The following BICD1 variants were observed in gnomAD, a reference collection of about 807,000 sequenced individuals.
BICD1 encodes BICD cargo adaptor 1.
BICD1 carries 35 observed loss-of-function variants against 92.5 expected under a neutral mutation model. That is an observed-to-expected ratio of 0.38 (90% CI 0.29 to 0.50). The LOEUF is 0.50. BICD1 is among the 20% of genes least tolerant of loss of function. The pLI, the probability that BICD1 is intolerant of heterozygous loss-of-function variation, is 0.93. For missense variants in BICD1, 950 were observed against 1,189.8 expected (o/e 0.80, Z 2.97); for synonymous variants, 429 against 465.1 (o/e 0.92, Z 1.00).
chr12:32,312,072 C>T (rs1948396405), intron 4 of BICD1, among the ~76,000 whole-genome samples: 1 of 152,190 alleles, frequency 6.6e-6, no homozygotes. Flanking sequence ...TCTTAGTCCT[C>T]ACCTCTGCCT....
chr12:32,289,214 C>G (rs1485779919), intron 2 of BICD1, among the ~76,000 whole-genome samples: 3 of 152,198 alleles, frequency 2.0e-5, no homozygotes, highest in Non-Finnish European at 4.4e-5. Flanking sequence ...GCAAAGGGAC[C>G]TCCACTTCCC....
At chr12:32,225,631 T>TTTGTTTTTTTG (rs1945663487) in intron 2 of BICD1, among the ~76,000 whole-genome samples, 4 of 139,388 alleles carry the variant, frequency 2.9e-5, no homozygotes, top group Admixed American at 2.3e-4. Flanking sequence ...GTTTTTTTTT[T>TTTGTTTTTTTG]TTTTTTTTTT....
chr12:32,119,042 TC>T (rs1942050088), intron 1 of BICD1, among the ~76,000 whole-genome samples: 1 of 152,066 alleles, frequency 6.6e-6, no homozygotes, highest in Non-Finnish European at 1.5e-5. Context: ...CAGGCAGTCT[TC>T]CCCAGGAGGT....
intron 3 of BICD1, among the ~76,000 whole-genome samples, chr12:32,297,984 C>A (rs1462806110): frequency 2.0e-5 from 3 of 151,478 alleles, no homozygotes; most frequent in African/African-American, 7.3e-5. Flanking sequence ...AAGTTTGAGA[C>A]CAGCCTGGGC....
At chr12:32,234,217 T>C (rs1463247217) in intron 2 of BICD1, among the ~76,000 whole-genome samples, 1 of 152,220 alleles carries the variant, frequency 6.6e-6, no homozygotes, top group African/African-American at 2.4e-5. Flanking sequence ...CCAGCTTCCA[T>C]ATCACCACTT....
intron 1 of BICD1, among the ~76,000 whole-genome samples, chr12:32,168,265 A>G (rs1943830568): frequency 6.6e-6 from 1 of 152,108 alleles, no homozygotes; most frequent in Admixed American, 6.5e-5. Flanking sequence ...AATTAGTTCT[A>G]TATTTGTTCA....
intron 2 of BICD1, among the ~76,000 whole-genome samples, chr12:32,216,698 C>T (rs945991791): frequency 2.6e-5 from 4 of 152,200 alleles, no homozygotes; most frequent in East Asian, 3.9e-4. Flanking sequence ...TTGCGGACTT[C>T]GGAATTGGCC....
At chr12:32,325,417 C>T (rs368655905) in intron 4 of BICD1, among the ~76,000 whole-genome samples, 8 of 152,214 alleles carry the variant, frequency 5.3e-5, no homozygotes, top group African/African-American at 9.6e-5. Flanking sequence ...AAAGATTGTG[C>T]GTTATGCATT....
chr12:32,214,383 A>G (rs773191407), intron 1 of BICD1, among the ~76,000 whole-genome samples: 4 of 152,152 alleles, frequency 2.6e-5, no homozygotes, highest in Non-Finnish European at 5.9e-5. Context: ...ATGTGTCTGT[A>G]TATCCAGACA....
rs558052630 is a variant in BICD1 at position 32,156,019 on chromosome 12, G to A, written c.213+48475G>A. On this transcript the variant is annotated intron_variant, in intron 1 of 9. Transcript: ENST00000652176. ...GTGGACACATAACACCTTTACAATGGAGTGAGGTCTTGAAATAGCCCTGCT... is the reference window on the plus strand; with the variant it reads ...GTGGACACATAACACCTTTACAATGAAGTGAGGTCTTGAAATAGCCCTGCT... Among the ~76,000 whole-genome samples the A allele has an allele frequency of 8.7e-4, 132 of 152,296 alleles. 1 individual carries two copies. The Middle Eastern group carries it at 0.014, about 16-fold the overall frequency.
chr12:32,204,731 A>G (rs891021231), intron 1 of BICD1, among the ~76,000 whole-genome samples: 1 of 152,192 alleles, frequency 6.6e-6, no homozygotes. Flanking sequence ...CAGACCTGTG[A>G]TTCTCAAATG....
intron 4 of BICD1, among the ~76,000 whole-genome samples, chr12:32,311,628 G>A (rs553113870): frequency 7.9e-5 from 12 of 152,230 alleles, no homozygotes; most frequent in Non-Finnish European, 1.0e-4. Context: ...GTCTGAAGGC[G>A]TGGGATCAAT....
chr12:32,352,050 C>A (rs1228765694), intron 8 of BICD1, among the ~76,000 whole-genome samples: 2 of 151,064 alleles, frequency 1.3e-5, no homozygotes, highest in African/African-American at 2.4e-5. Flanking sequence ...ACTAAAAATA[C>A]AAAAATTAGC....
At chr12:32,245,127 A>G (rs971320512) in intron 2 of BICD1, among the ~76,000 whole-genome samples, 35 of 152,300 alleles carry the variant, frequency 2.3e-4, no homozygotes, top group African/African-American at 8.4e-4. Flanking sequence ...TAGTAAACAA[A>G]TAAATGTATT....
At chr12:32,373,207 C>T (rs1187665098) in intron 9 of BICD1, among the ~76,000 whole-genome samples, 1 of 152,120 alleles carries the variant, frequency 6.6e-6, no homozygotes, top group Non-Finnish European at 1.5e-5. Flanking sequence ...TGTTGAATAA[C>T]AAGTGGACTC....
intron 2 of BICD1, among the ~76,000 whole-genome samples, chr12:32,238,739 G>C (rs868740116): frequency 6.7e-6 from 1 of 149,922 alleles, no homozygotes; most frequent in African/African-American, 2.5e-5. Context: ...AAGGTCAGGA[G>C]TTTAAGACCA....
Position 32,255,349 on chromosome 12 carries a change from T to TGG in BICD1, c.427-38641_427-38640dup, listed in dbSNP as rs754809352. 1.5e-3 allele frequency among the ~76,000 whole-genome samples: 229 copies of TGG among 152,200 alleles called. 2 individuals carry two copies. Among genetic ancestry groups the TGG allele is most frequent in the Admixed American group, 2.6e-3 (39 of 15,286 alleles). On this transcript the variant is annotated intron_variant, in intron 2 of 9. Transcript: ENST00000652176. ...GAACTGGGGCTTCAACATAGGAGTT[T>TGG]GGGGGAACTCAAACATTCAGTTCAT...
At chr12:32,230,742 A>T (rs1187361379) in intron 2 of BICD1, among the ~76,000 whole-genome samples, 2 of 152,194 alleles carry the variant, frequency 1.3e-5, no homozygotes, top group African/African-American at 4.8e-5. Flanking sequence ...CATGTGGAGC[A>T]AAAGGGGCAT....
intron 8 of BICD1, among the ~76,000 whole-genome samples, chr12:32,343,458 T>C (rs1938457878): frequency 6.6e-6 from 1 of 152,158 alleles, no homozygotes; most frequent in African/African-American, 2.4e-5. Flanking sequence ...GCGGGAGTTG[T>C]TATTTCTGTA....
Sources: gnomAD v4.1 joint callset for allele counts (sites outside exome capture counted in the v4.1 genomes callset) on GRCh38, gnomAD v4.1.1 for gene constraint, MANE v1.5 for transcripts, NCBI Gene and HGNC (gene_info 2026-07-23, HGNC 2026-07-21) for gene names.